The following CEMIP2 variants were observed in gnomAD, a reference collection of about 807,000 sequenced individuals.
CEMIP2 encodes the protein cell surface hyaluronidase CEMIP2.
Under a neutral mutation model 146.9 loss-of-function variants are expected in CEMIP2, and 79 were observed. The observed-to-expected ratio is 0.54, with a 90% CI of 0.45 to 0.65. The LOEUF is 0.65. Among genes scored for constraint, CEMIP2 ranks in the 30% least tolerant of loss-of-function variants. CEMIP2 has a pLI of 0.00. For synonymous variants in CEMIP2, 601 were observed against 606.3 expected (o/e 0.99, Z 0.13); for missense variants, 1,596 against 1,696.2 (o/e 0.94, Z 1.04).
At chr9:71,722,129 T>C (rs1412802414) in intron 12 of CEMIP2, among the ~76,000 whole-genome samples, 1 of 152,210 alleles carries the variant, frequency 6.6e-6, no homozygotes, top group Non-Finnish European at 1.5e-5. Context: ...CACACCAAAT[T>C]TGGAAACTTT....
rs2131947757 is a variant in CEMIP2 at position 71,725,552 on chromosome 9, G to A, written c.2178+29C>T. 4.4e-6 allele frequency: 7 copies of A among 1,608,726 alleles called. No homozygotes were observed. The South Asian group carries it at 6.6e-5, about 15-fold the overall frequency. ...TCATCCTTTACACTGTCTAGCATAT[G>A]TACTAATTGTTAAAACTTAGAAACC... On this transcript the variant is annotated intron_variant, in intron 11 of 23. Coordinates refer to ENST00000377044, the MANE Select transcript of CEMIP2 (RefSeq NM_013390.3).
intron 22 of CEMIP2, among the ~76,000 whole-genome samples, chr9:71,689,591 G>C (rs1822167862): frequency 6.6e-6 from 1 of 152,144 alleles, no homozygotes; most frequent in Non-Finnish European, 1.5e-5. Context: ...AAGTGACCCA[G>C]GTGATGACTT....
At position 71,745,008 on chromosome 9, in the gene CEMIP2, G is replaced by C. The variant is rs752365090; in HGVS notation, c.1034+10C>G. On this transcript the variant is annotated intron_variant, in intron 4 of 23. Transcript: ENST00000377044. ...ACTCTGATAGGGATCTGGGAAGAAGGTATGCCTACCTGTAGCCCAGTCCTT... is the reference window on the plus strand; with the variant it reads ...ACTCTGATAGGGATCTGGGAAGAAGCTATGCCTACCTGTAGCCCAGTCCTT... 1 of 1,609,544 alleles carries C rather than the reference G, an allele frequency of 6.2e-7. No homozygotes were observed. The highest frequency in any genetic ancestry group is 8.5e-7 in the Non-Finnish European group (1 of 1,177,986).
intron 15 of CEMIP2, among the ~76,000 whole-genome samples, chr9:71,714,118 G>A (rs1341748398): frequency 6.6e-6 from 1 of 152,118 alleles, no homozygotes; most frequent in Non-Finnish European, 1.5e-5. Context: ...CAGTCTGTAT[G>A]TCCCATTCCT....
chr9:71,736,701 A>G (rs1490839626), intron 5 of CEMIP2, among the ~76,000 whole-genome samples: 1 of 152,232 alleles, frequency 6.6e-6, no homozygotes, highest in East Asian at 1.9e-4. Flanking sequence ...CTTAACATTC[A>G]TGATATAATC....
chr9:71,748,740 G>A (rs1031705452), intron 2 of CEMIP2, among the ~76,000 whole-genome samples: 1 of 152,192 alleles, frequency 6.6e-6, no homozygotes, highest in African/African-American at 2.4e-5. Flanking sequence ...TACTTGTTTG[G>A]TCCATAAGGA....
At chr9:71,732,770 G>A (rs1823659042) in intron 6 of CEMIP2, among the ~76,000 whole-genome samples, 3 of 122,594 alleles carry the variant, frequency 2.4e-5, no homozygotes, top group Non-Finnish European at 4.7e-5. Context: ...GCAGCGGCAT[G>A]ATCTTGGCTT....
intron 17 of CEMIP2, among the ~76,000 whole-genome samples, chr9:71,707,949 G>A (rs1822798744): frequency 6.6e-6 from 1 of 152,206 alleles, no homozygotes; most frequent in African/African-American, 2.4e-5. Context: ...CATTTTGGGA[G>A]GCCGAGGTGG....
chr9:71,736,550 T>C (rs891401181), intron 5 of CEMIP2, among the ~76,000 whole-genome samples: 1 of 152,340 alleles, frequency 6.6e-6, no homozygotes, highest in Non-Finnish European at 1.5e-5. Context: ...ATCTAATGAC[T>C]ACTAATTACT....
chr9:71,740,316 G>GTTTAAT, intron 4 of CEMIP2, 84 bp from the exon 5 acceptor site: 9 of 1,481,420 alleles, frequency 6.1e-6, no homozygotes, highest in Non-Finnish European at 8.2e-6. Context: ...ACAGAGTGCT[G>GTTTAAT]TTTAATTCTC....
chr9:71,717,844 G>T, intron 13 of CEMIP2, 104 bp downstream of exon 13: 1 of 1,088,380 alleles, frequency 9.2e-7, no homozygotes, highest in Non-Finnish European at 1.3e-6. Context: ...ATAATAATAT[G>T]ATTCCAAGAA....
chr9:71,755,677 C>T (rs1331063480), intron 1 of CEMIP2, among the ~76,000 whole-genome samples: 1 of 152,022 alleles, frequency 6.6e-6, no homozygotes, highest in Non-Finnish European at 1.5e-5. Flanking sequence ...CATAAATTAG[C>T]AGGGCACAAT....
chr9:71,708,030 C>CA (rs1234108443), intron 17 of CEMIP2, among the ~76,000 whole-genome samples: 5 of 151,932 alleles, frequency 3.3e-5, no homozygotes, highest in African/African-American at 7.3e-5. Context: ...ATTAAAAATA[C>CA]AAAAAAACTA....
chr9:71,690,078 C>G lies in CEMIP2; in HGVS notation c.3851+14G>C. On this transcript the variant is annotated intron_variant, in intron 22 of 23. Transcript: ENST00000377044. ...AAGGTGGCTTTTCCCTGTTACAGCACAAGCTTGACCTACCTTGGAGGGATG... is the reference window on the plus strand; with the variant it reads ...AAGGTGGCTTTTCCCTGTTACAGCAGAAGCTTGACCTACCTTGGAGGGATG... The G allele has an allele frequency of 1.2e-6, 2 of 1,612,238 alleles. No individual in the cohort carries two copies. The highest frequency in any genetic ancestry group is 1.7e-6 in the Non-Finnish European group (2 of 1,178,558).
At chr9:71,706,574 T>G (rs1165396342) in intron 17 of CEMIP2, among the ~76,000 whole-genome samples, 1 of 152,230 alleles carries the variant, frequency 6.6e-6, no homozygotes, top group Non-Finnish European at 1.5e-5. Context: ...AATGCTTTAC[T>G]GAGTGAATGT....
chr9:71,715,236 GCTTTTTT>G (rs1823014364), intron 14 of CEMIP2, 147 bp from the exon 15 acceptor site: 240 of 379,114 alleles, frequency 6.3e-4, no homozygotes, highest in South Asian at 1.1e-3. Flanking sequence ...TTCAGAAACT[GCTTTTTT>G]TTTTTTTTTT....
chr9:71,734,999 A>G lies in CEMIP2; in HGVS notation c.1205-5T>C. On this transcript the variant is annotated splice_region_variant and splice_polypyrimidine_tract_variant and intron_variant, in intron 5 of 23. Coordinates refer to ENST00000377044, the MANE Select transcript of CEMIP2 (RefSeq NM_013390.3). ...GGAATCCTGAAAGAGAAACGCCTAA[A>G]CCAAAAAAAAAAAAAAGAAAAAGAA... 1.3e-6 allele frequency: 2 copies of G among 1,531,228 alleles called. No individual in the cohort carries two copies. Among genetic ancestry groups the G allele is most frequent in the Non-Finnish European group, 1.8e-6 (2 of 1,137,874 alleles). The allele number at this position is 1,531,228 out of a possible 1,614,324, so 94.9% of individuals were successfully genotyped here.
At chr9:71,744,145 C>A (rs1234636441) in intron 4 of CEMIP2, among the ~76,000 whole-genome samples, 1 of 152,112 alleles carries the variant, frequency 6.6e-6, no homozygotes, top group African/African-American at 2.4e-5. Flanking sequence ...GAGGGTGAGG[C>A]AGGAGGATCA....
At chr9:71,724,611 G>A (rs80187126) in intron 11 of CEMIP2, among the ~76,000 whole-genome samples, 1 of 152,264 alleles carries the variant, frequency 6.6e-6, no homozygotes, top group East Asian at 1.9e-4. Flanking sequence ...AAACATTAAA[G>A]TGCCTGTGAG....
Sources: gnomAD v4.1 joint callset for allele counts (sites outside exome capture counted in the v4.1 genomes callset) on GRCh38, gnomAD v4.1.1 for gene constraint, MANE v1.5 for transcripts, NCBI Gene and HGNC (gene_info 2026-07-23, HGNC 2026-07-21) for gene names.